Variants in PPFIA2 observed in about 807,000 individuals in gnomAD.
PPFIA2 encodes liprin-alpha-2.
Under a neutral mutation model 175.5 loss-of-function variants are expected in PPFIA2, and 46 were observed. That is an observed-to-expected ratio of 0.26 (90% CI 0.21 to 0.34). The LOEUF is 0.34. PPFIA2 is among the 10% of genes least tolerant of loss of function. PPFIA2 has a pLI of 1.00. For synonymous variants in PPFIA2, 568 were observed against 511.4 expected (o/e 1.11, Z -1.49); for missense variants, 1,179 against 1,506.1 (o/e 0.78, Z 3.60).
chr12:81,700,398 C>A (rs1178229348), intron 3 of PPFIA2, among the ~76,000 whole-genome samples: 1 of 152,012 alleles, frequency 6.6e-6, no homozygotes, highest in African/African-American at 2.4e-5. Context: ...TTAAAATTCC[C>A]ATTCTCATGC....
intron 3 of PPFIA2, among the ~76,000 whole-genome samples, chr12:81,705,716 C>G (rs1342352440): frequency 6.6e-6 from 1 of 152,100 alleles, no homozygotes; most frequent in Non-Finnish European, 1.5e-5. Context: ...AAACTCAAAC[C>G]AAACAAGGTG....
At chr12:81,726,744 C>T (rs932371617) in intron 3 of PPFIA2, among the ~76,000 whole-genome samples, 1 of 151,306 alleles carries the variant, frequency 6.6e-6, no homozygotes, top group Admixed American at 6.6e-5. Flanking sequence ...ATATGGCCTG[C>T]CTCTTATTGT....
At chr12:81,322,732 G>A (rs1053817430) in intron 22 of PPFIA2, among the ~76,000 whole-genome samples, 4 of 152,116 alleles carry the variant, frequency 2.6e-5, no homozygotes, top group African/African-American at 9.7e-5. Flanking sequence ...CCGAGGTTAC[G>A]TGTTACTCTG....
rs576479107 is a variant in PPFIA2, at chr12:81,646,155, G to A, written c.303+30636C>T. The stretch of plus-strand genomic sequence containing the variant: ...TCCTCCAACCAGCCCTTTACAGTAG[G>A]AAAAGCCATCTGCTACTGAGGGAGG... On this transcript the variant is annotated intron_variant, in intron 4 of 32. Transcript: ENST00000549396. 3.3e-5 allele frequency among the ~76,000 whole-genome samples: 5 copies of A among 152,126 alleles called. No individual in the cohort carries two copies. The South Asian group carries it at 1.0e-3, about 32-fold the overall frequency.
chr12:81,443,575 A>G (rs925367736), intron 6 of PPFIA2, among the ~76,000 whole-genome samples: 25 of 152,230 alleles, frequency 1.6e-4, no homozygotes, highest in African/African-American at 5.5e-4. Flanking sequence ...TTTGTCTTAA[A>G]TGCTGTTTAT....
intron 3 of PPFIA2, among the ~76,000 whole-genome samples, chr12:81,720,888 A>C (rs1275516467): frequency 6.6e-6 from 1 of 151,260 alleles, no homozygotes; most frequent in African/African-American, 2.4e-5. Flanking sequence ...AAGATCCCTA[A>C]CTAATAACAG....
rs143428644 is a variant in PPFIA2 at position 81,684,984 on chromosome 12, A to G, written c.250-8140T>C. ...AGGTCTGACACCTTAATCATTGTAC[A>G]ATCAATAAATCAATGCTTGAAAATT... is the stretch of plus-strand genomic sequence containing the variant. On this transcript the variant is annotated intron_variant, in intron 3 of 32. Transcript: ENST00000549396. Among the ~76,000 whole-genome samples, 940 of 152,136 alleles carry G rather than the reference A, an allele frequency of 6.2e-3. 10 individuals are homozygous for G. Among genetic ancestry groups the G allele is most frequent in the African/African-American group, 0.021 (866 of 41,520 alleles).
At chr12:81,437,433 G>T (rs527486695) in intron 7 of PPFIA2, among the ~76,000 whole-genome samples, 3 of 152,286 alleles carry the variant, frequency 2.0e-5, no homozygotes, top group East Asian at 3.9e-4. Context: ...GTTTCACCGT[G>T]TTAGCCAGGA....
Position 81,609,594 on chromosome 12 carries a change from C to T in PPFIA2, c.303+67197G>A, listed in dbSNP as rs762995552. Among the ~76,000 whole-genome samples, 7 of 152,148 alleles carry T rather than the reference C, an allele frequency of 4.6e-5. 1 individual carries two copies. In the Middle Eastern group the frequency reaches 0.014, roughly 296 times the overall value. The stretch of plus-strand genomic sequence containing the variant: ...GTTTCATCTGATATAGAAATAGGGA[C>T]GCTTTCTCTTTTTTGTTTTCCATTT... On this transcript the variant is annotated intron_variant, in intron 4 of 32. Transcript: ENST00000549396.
intron 4 of PPFIA2, among the ~76,000 whole-genome samples, chr12:81,540,372 A>T (rs1464919308): frequency 6.6e-6 from 1 of 151,998 alleles, no homozygotes; most frequent in African/African-American, 2.4e-5. Context: ...AACCTCTCAG[A>T]GTTTCTGCAT....
At chr12:81,358,689 G>A (rs549592331) in intron 15 of PPFIA2, among the ~76,000 whole-genome samples, 1 of 152,082 alleles carries the variant, frequency 6.6e-6, no homozygotes, top group East Asian at 1.9e-4. Flanking sequence ...AAAATTTTTG[G>A]AGAAATTTAT....
At chr12:81,297,648 C>A (rs1385911803) in intron 23 of PPFIA2, among the ~76,000 whole-genome samples, 1 of 152,180 alleles carries the variant, frequency 6.6e-6, no homozygotes, top group Non-Finnish European at 1.5e-5. Context: ...AATATGTCTT[C>A]TTTGGACCCT....
At chr12:81,542,347 C>T (rs967700078) in intron 4 of PPFIA2, among the ~76,000 whole-genome samples, 4 of 152,082 alleles carry the variant, frequency 2.6e-5, no homozygotes, top group African/African-American at 9.7e-5. Context: ...CTGCCAGCAC[C>T]TCACTTTAGG....
chr12:81,398,162 G>T (rs960392774), intron 8 of PPFIA2, among the ~76,000 whole-genome samples: 2 of 152,050 alleles, frequency 1.3e-5, no homozygotes, highest in African/African-American at 4.8e-5. Flanking sequence ...CACAAAACTG[G>T]TTCCTGTTGC....
intron 24 of PPFIA2, among the ~76,000 whole-genome samples, chr12:81,294,240 T>C (rs2045843370): frequency 6.6e-6 from 1 of 152,134 alleles, no homozygotes; most frequent in African/African-American, 2.4e-5. Context: ...AAATCTCCAT[T>C]ACATAATATA....
intron 16 of PPFIA2, among the ~76,000 whole-genome samples, chr12:81,355,910 C>T (rs575541024): frequency 3.9e-5 from 6 of 152,314 alleles, no homozygotes; most frequent in South Asian, 2.1e-4. Flanking sequence ...TCCATAGCAG[C>T]AGTAAGGCTG....
chr12:81,436,683 T>G (rs2049112241), intron 7 of PPFIA2, among the ~76,000 whole-genome samples: 1 of 152,200 alleles, frequency 6.6e-6, no homozygotes, highest in African/African-American at 2.4e-5. Flanking sequence ...TGTCTTCTGA[T>G]TTTTTCGTAA....
chr12:81,673,489 TATTTA>T (rs1309436834), intron 4 of PPFIA2, among the ~76,000 whole-genome samples: 7 of 152,110 alleles, frequency 4.6e-5, no homozygotes, highest in African/African-American at 1.7e-4. Flanking sequence ...TACAAAGCAC[TATTTA>T]ATTTAATAAC....
chr12:81,526,283 A>G (rs2063723213), intron 4 of PPFIA2, among the ~76,000 whole-genome samples: 1 of 152,198 alleles, frequency 6.6e-6, no homozygotes, highest in Non-Finnish European at 1.5e-5. Flanking sequence ...ATAGTTGAGA[A>G]TAAGGGTGCA....
Sources: gnomAD v4.1 joint callset for allele counts (sites outside exome capture counted in the v4.1 genomes callset) on GRCh38, gnomAD v4.1.1 for gene constraint, MANE v1.5 for transcripts, NCBI Gene and HGNC (gene_info 2026-07-23, HGNC 2026-07-21) for gene names.